LRP1B: variants seen among roughly 807,000 people sequenced by gnomAD.
The protein encoded by LRP1B is low-density lipoprotein receptor-related protein 1B.
LRP1B carries 217 observed loss-of-function variants against 556.6 expected under a neutral mutation model. That is an observed-to-expected ratio of 0.39 (90% confidence interval 0.35 to 0.44). The LOEUF is 0.44. Among genes scored for constraint, LRP1B ranks in the 20% least tolerant of loss-of-function variants. The pLI is 1.00. For synonymous variants in LRP1B, 2,047 were observed against 1,865.8 expected, an observed-to-expected ratio of 1.10 and a Z score of -2.50; for missense variants, 5,053 against 5,620.8, an observed-to-expected ratio of 0.90 and a Z score of 3.23.
chr2:141,870,676 G>A (rs1016949330), intron 1 of LRP1B, among the ~76,000 whole-genome samples: 19 of 151,886 alleles, frequency 1.3e-4, no homozygotes, highest in South Asian at 2.1e-4. Context: ...CAGGAATTAA[G>A]CACAAATCCA....
In LRP1B at chr2:142,015,991, C is replaced by CAAAA. The variant is rs70994471; in HGVS notation, c.82+114653_82+114656dup. Among the ~76,000 whole-genome samples the CAAAA allele has an allele frequency of 3.1e-4, 12 of 38,794 alleles. 4 individuals carry two copies. The highest frequency in any genetic ancestry group is 1.7e-3 in the Admixed American group (3 of 1,736). The allele number at this position is 38,794 out of a possible 152,430, so 25.5% of individuals were successfully genotyped here. ...TGGGCAACAGCGCGAGACTCCATCTCAAAAAAAAAAAAAAAAAAAAAGTGG... is the reference window on the plus strand; with the variant it reads ...TGGGCAACAGCGCGAGACTCCATCTCAAAAAAAAAAAAAAAAAAAAAAAAAGTGG... On this transcript the variant is annotated intron_variant, in intron 1 of 90. Coordinates refer to ENST00000389484, the MANE Select transcript of LRP1B (RefSeq NM_018557.3).
intron 49 of LRP1B, among the ~76,000 whole-genome samples, chr2:140,520,624 A>T (rs932096538): frequency 1.3e-5 from 2 of 151,872 alleles, no homozygotes; most frequent in East Asian, 1.9e-4. Flanking sequence ...TGCCAGTTTC[A>T]TGAGTCTAAA....
chr2:140,441,509 T>G (rs1316441642), intron 66 of LRP1B, among the ~76,000 whole-genome samples: 1 of 152,196 alleles, frequency 6.6e-6, no homozygotes, highest in Admixed American at 6.6e-5. Flanking sequence ...TAAGATAGTA[T>G]TAGGAAAATC....
chr2:140,787,874 C>T (rs1331789890), intron 32 of LRP1B, among the ~76,000 whole-genome samples: 1 of 152,068 alleles, frequency 6.6e-6, no homozygotes, highest in Non-Finnish European at 1.5e-5. Context: ...CCACACTTGA[C>T]CTAAAACATA....
intron 53 of LRP1B, among the ~76,000 whole-genome samples, chr2:140,503,577 A>C (rs181499602): frequency 5.0e-4 from 76 of 152,220 alleles, no homozygotes; most frequent in Admixed American, 1.0e-3. Flanking sequence ...AAAATGAGAA[A>C]AATTTAAAAG....
chr2:141,701,932 G>A (rs1216171333), intron 2 of LRP1B, among the ~76,000 whole-genome samples: 3 of 151,826 alleles, frequency 2.0e-5, no homozygotes, highest in African/African-American at 7.2e-5. Context: ...CAATCCTCTA[G>A]TAGTTTATAA....
intron 7 of LRP1B, among the ~76,000 whole-genome samples, chr2:141,080,441 T>C (rs1699895847): frequency 6.6e-6 from 1 of 152,236 alleles, no homozygotes; most frequent in South Asian, 2.1e-4. Flanking sequence ...TTATTTTGTT[T>C]CATAACCTGC....
At chr2:141,999,281 C>T (rs954206675) in intron 1 of LRP1B, among the ~76,000 whole-genome samples, 2 of 152,018 alleles carry the variant, frequency 1.3e-5, no homozygotes, top group African/African-American at 4.8e-5. Flanking sequence ...TTTTTGGGTT[C>T]ATTTTGGAAT....
At chr2:141,295,862 T>G (rs989214392) in intron 3 of LRP1B, among the ~76,000 whole-genome samples, 6 of 151,142 alleles carry the variant, frequency 4.0e-5, no homozygotes, top group Non-Finnish European at 7.4e-5. Context: ...GAAGACCTCT[T>G]TCAAAGTATG....
At chr2:141,599,203 C>T (rs1010688471) in intron 2 of LRP1B, among the ~76,000 whole-genome samples, 1 of 151,670 alleles carries the variant, frequency 6.6e-6, no homozygotes, top group African/African-American at 2.4e-5. Context: ...TTCATAGCTA[C>T]TGTGTTACTG....
At chr2:141,468,575 T>G (rs1233950708) in intron 3 of LRP1B, among the ~76,000 whole-genome samples, 3 of 152,162 alleles carry the variant, frequency 2.0e-5, no homozygotes, top group African/African-American at 4.8e-5. Flanking sequence ...ATATACCATT[T>G]AGAATAAAGA....
chr2:140,690,910 T>C (rs1026613656), intron 41 of LRP1B, among the ~76,000 whole-genome samples: 2 of 152,168 alleles, frequency 1.3e-5, no homozygotes, highest in African/African-American at 4.8e-5. Context: ...TTGATTTAGC[T>C]AATAAATGTA....
At chr2:140,306,257 A>C (rs1200040885) in intron 83 of LRP1B, among the ~76,000 whole-genome samples, 2 of 151,996 alleles carry the variant, frequency 1.3e-5, no homozygotes, top group Admixed American at 6.6e-5. Context: ...CTTCCGGTAG[A>C]ATTTGGCTGT....
chr2:141,115,021 C>T (rs760002791), intron 7 of LRP1B, among the ~76,000 whole-genome samples: 18 of 152,150 alleles, frequency 1.2e-4, no homozygotes, highest in Admixed American at 2.6e-4. Context: ...ACAAACATGA[C>T]GGAAAGTAAA....
In LRP1B at chr2:140,689,169, C is replaced by T. The variant is rs143525094; in HGVS notation, c.6799+11081G>A. ...TATTCTATATATGAGTCCCTGTAGA[C>T]GAACTGCAACCTAACTTCATAGGTA... On this transcript the variant is annotated intron_variant, in intron 41 of 90. Transcript: ENST00000389484. Among the ~76,000 whole-genome samples, 616 of 152,278 alleles carry T rather than the reference C, an allele frequency of 4.0e-3. 13 individuals carry two copies. The South Asian group carries it at 0.05, about 12-fold the overall frequency.
chr2:141,644,762 CGCAT>C (rs1689488127), intron 2 of LRP1B, among the ~76,000 whole-genome samples: 2 of 147,254 alleles, frequency 1.4e-5, no homozygotes, highest in South Asian at 2.2e-4. Context: ...CACACACACA[CGCAT>C]ACACATGCAC....
rs2105353108 is a variant in LRP1B, at chr2:140,989,660, G to A, written c.2645-3C>T. The A allele has an allele frequency of 1.2e-6, 2 of 1,611,716 alleles. No homozygotes were observed. Among genetic ancestry groups the A allele is most frequent in the South Asian group, 2.2e-5 (2 of 90,914 alleles). ...ATCATCAGGACAGCTATGATTGACTGGGAGGGAGGGGGAAGCAAGATTAAT... is the reference window on the plus strand; with the variant it reads ...ATCATCAGGACAGCTATGATTGACTAGGAGGGAGGGGGAAGCAAGATTAAT... On this transcript the variant is annotated splice_polypyrimidine_tract_variant and splice_region_variant and intron_variant, in intron 16 of 90. Transcript: ENST00000389484.
At chr2:140,421,605 G>A (rs1270349190) in intron 66 of LRP1B, among the ~76,000 whole-genome samples, 2 of 152,140 alleles carry the variant, frequency 1.3e-5, no homozygotes, top group Admixed American at 6.5e-5. Flanking sequence ...ATGCAAAAAT[G>A]GGTGTTTGGG....
intron 35 of LRP1B, among the ~76,000 whole-genome samples, chr2:140,749,399 G>T (rs1573662611): frequency 7.2e-6 from 1 of 138,548 alleles, no homozygotes. Context: ...TCTTTTGTAA[G>T]AATATACCTT....
Sources: allele counts gnomAD v4.1 joint callset (sites outside exome capture counted in the v4.1 genomes callset), GRCh38; gene constraint gnomAD v4.1.1; transcripts MANE v1.5; gene names NCBI Gene and HGNC (gene_info 2026-07-23, HGNC 2026-07-21).